The following FNDC3A variants were observed in gnomAD, a reference collection of about 807,000 sequenced individuals.
FNDC3A encodes fibronectin type III domain containing 3A, also known as fibronectin type-III domain-containing protein 3A.
A neutral mutation model predicts 148.9 loss-of-function variants in FNDC3A; 32 were observed. The ratio of observed to expected loss-of-function variants is 0.21; its 90% CI spans 0.16 to 0.29. FNDC3A has a LOEUF of 0.29. FNDC3A is among the 10% of genes least tolerant of loss of function. The pLI, the probability that FNDC3A is intolerant of heterozygous loss-of-function variation, is 1.00. For synonymous variants in FNDC3A, 472 were observed against 473.6 expected, an observed-to-expected ratio of 1.00 and a Z score of 0.04; for missense variants, 1,191 against 1,452.8, an observed-to-expected ratio of 0.82 and a Z score of 2.93.
intron 8 of FNDC3A, among the ~76,000 whole-genome samples, chr13:49,160,882 G>A (rs1053476979): frequency 2.0e-5 from 3 of 152,036 alleles, no homozygotes; most frequent in African/African-American, 7.3e-5. Flanking sequence ...TATGTACCCA[G>A]TAGTCATTCA....
intron 1 of FNDC3A, among the ~76,000 whole-genome samples, chr13:48,993,745 G>A (rs1365927971): frequency 6.6e-6 from 1 of 152,106 alleles, no homozygotes; most frequent in East Asian, 1.9e-4. Flanking sequence ...TAGAACCTAG[G>A]TGGCAAGTAT....
Position 49,145,876 on chromosome 13 carries a change from T to C in FNDC3A, c.918T>C (p.Tyr306=). ...ATGAAAGTAGTGTACCAGAGCTCTATGGTTATGAAGTTCTGATCTCAAGTA... is the reference window on the plus strand; with the variant it reads ...ATGAAAGTAGTGTACCAGAGCTCTACGGTTATGAAGTTCTGATCTCAAGTA... The part of the protein sequence containing the change: ...ETDESSVPEL[Y]GYEVLISSTG... Residue 306 remains tyrosine (Y), a synonymous_variant, in exon 8 of 26, where the codon TAT becomes TAC. Transcript: ENST00000492622. 5 of 1,613,198 alleles carry C rather than the reference T, an allele frequency of 3.1e-6. No homozygotes were observed. Among genetic ancestry groups the C allele is most frequent in the Non-Finnish European group, 4.2e-6 (5 of 1,179,216 alleles).
In FNDC3A at chr13:49,164,030, G is replaced by T. The variant is rs557486155; in HGVS notation, c.978-3214G>T. 2.6e-5 allele frequency among the ~76,000 whole-genome samples: 4 copies of T among 152,186 alleles called. No homozygotes were observed. The East Asian group carries it at 7.7e-4, about 29-fold the overall frequency. On this transcript the variant is annotated intron_variant, in intron 8 of 25. Transcript: ENST00000492622. ...AGCAGATATTGTCCCTTTGTTCCAG[G>T]TGTAAGACTCCCTCAAGCATTTCTT...
chr13:49,069,357 A>C (rs1877489714), intron 2 of FNDC3A, among the ~76,000 whole-genome samples: 1 of 152,170 alleles, frequency 6.6e-6, no homozygotes, highest in Non-Finnish European at 1.5e-5. Context: ...AAAATGGCTC[A>C]CTAGACCCTT....
At chr13:49,050,772 T>G (rs1875778491) in intron 2 of FNDC3A, among the ~76,000 whole-genome samples, 1 of 152,194 alleles carries the variant, frequency 6.6e-6, no homozygotes, top group Non-Finnish European at 1.5e-5. Context: ...TGTGTTGCCG[T>G]CTATCTCATT....
chr13:49,124,999 GT>G (rs982230202), intron 4 of FNDC3A, among the ~76,000 whole-genome samples: 6 of 152,072 alleles, frequency 3.9e-5, no homozygotes, highest in African/African-American at 1.4e-4. Context: ...TCCCTTAACT[GT>G]TTTTTTATAG....
chr13:49,146,013 C>G, intron 8 of FNDC3A, 78 bp downstream of exon 8: 1 of 1,073,000 alleles, frequency 9.3e-7, no homozygotes, highest in Non-Finnish European at 1.3e-6. Flanking sequence ...TAATTTTGCT[C>G]TACTTTTCCT....
intron 2 of FNDC3A, among the ~76,000 whole-genome samples, chr13:49,022,359 A>G (rs540912259): frequency 1.3e-5 from 2 of 152,304 alleles, no homozygotes; most frequent in Admixed American, 6.5e-5. Flanking sequence ...CTTTTACATA[A>G]TGTTACTTTG....
At chr13:49,113,490 T>C (rs1880720753) in intron 3 of FNDC3A, among the ~76,000 whole-genome samples, 1 of 152,110 alleles carries the variant, frequency 6.6e-6, no homozygotes, top group Non-Finnish European at 1.5e-5. Flanking sequence ...GTGACCTCCA[T>C]GTCCTTTATT....
intron 3 of FNDC3A, among the ~76,000 whole-genome samples, chr13:49,097,286 C>T (rs1879586922): frequency 2.0e-5 from 3 of 151,078 alleles, no homozygotes; most frequent in South Asian, 4.2e-4. Flanking sequence ...TTTATATTTT[C>T]CAAATATTTC....
rs2138072204 is a variant in FNDC3A at position 49,178,568 on chromosome 13, G to C, written c.1531G>C (p.Gly511Arg). Reference protein sequence around the residue: ...YILEMEEETSGYGFKPKYDGE... With the variant: ...YILEMEEETSRYGFKPKYDGE... ...AAGACTTTGTTTTTTCCTTTTCCAG[G>C]GATATGGTTTTAAGCCTAAATATGA... Residue 511 changes from glycine to arginine, a missense_variant and splice_region_variant, in exon 14 of 26, where the codon GGA (glycine) becomes CGA (arginine). By Grantham distance (125) the Gly-to-Arg change is moderately radical (BLOSUM62 -2). Transcript: ENST00000492622. 1 of 1,582,678 alleles carries C rather than the reference G, an allele frequency of 6.3e-7. No individual in the cohort carries two copies. Among genetic ancestry groups the C allele is most frequent in the East Asian group, 2.3e-5 (1 of 44,030 alleles).
At position 49,143,982 on chromosome 13, in the gene FNDC3A, T is replaced by C. The variant is rs542888723; in HGVS notation, c.820-1796T>C. On this transcript the variant is annotated intron_variant, in intron 7 of 25. Coordinates refer to ENST00000492622, the MANE Select transcript of FNDC3A (RefSeq NM_001079673.2). ...CAACATAGCAAGACCCCATCTTTAC[T>C]ACTACTACTACTACTACTACTACTA... Among the ~76,000 whole-genome samples, 211 of 145,770 alleles carry C rather than the reference T, an allele frequency of 1.4e-3. 1 individual carries two copies. The highest frequency in any genetic ancestry group is 2.4e-3 in the Non-Finnish European group (159 of 66,378).
intron 2 of FNDC3A, among the ~76,000 whole-genome samples, chr13:49,009,559 T>C (rs144574546): frequency 6.4e-4 from 98 of 152,360 alleles, no homozygotes; most frequent in African/African-American, 2.0e-3. Context: ...AAGGTGGCTG[T>C]ACCATTGTAC....
chr13:49,042,965 G>A (rs923656925), intron 2 of FNDC3A, among the ~76,000 whole-genome samples: 38 of 151,640 alleles, frequency 2.5e-4, no homozygotes, highest in African/African-American at 8.0e-4. Context: ...TTCTGTTTTT[G>A]TTTTTTGAGA....
chr13:49,071,061 C>CTTTTTTTT (rs35935869), intron 2 of FNDC3A, among the ~76,000 whole-genome samples: 2 of 84,726 alleles, frequency 2.4e-5, no homozygotes, highest in African/African-American at 5.0e-5. Context: ...CCCATGCCGG[C>CTTTTTTTT]TTTTTTTTTT....
At chr13:49,045,635 G>GCT in intron 2 of FNDC3A, 1 of 728,150 alleles carries the variant, frequency 1.4e-6, no homozygotes, top group Non-Finnish European at 2.2e-6. Context: ...TGTTAAGGAT[G>GCT]CTCTTCTACA....
At chr13:49,012,785 G>A (rs1335685562) in intron 2 of FNDC3A, among the ~76,000 whole-genome samples, 2 of 131,254 alleles carry the variant, frequency 1.5e-5, no homozygotes, top group African/African-American at 5.6e-5. Flanking sequence ...GGGCACTTGG[G>A]TTTTTATATG....
At chr13:49,146,059 A>G (rs1882977015) in intron 8 of FNDC3A, 124 bp downstream of exon 8, 3 of 657,072 alleles carry the variant, frequency 4.6e-6, no homozygotes, top group Non-Finnish European at 7.6e-6. Flanking sequence ...TAAGTTGGCT[A>G]ATGATAGTGA....
intron 10 of FNDC3A, among the ~76,000 whole-genome samples, chr13:49,170,663 C>G (rs1369864870): frequency 6.6e-6 from 1 of 152,094 alleles, no homozygotes; most frequent in Non-Finnish European, 1.5e-5. Flanking sequence ...ACTTTGTGAT[C>G]TGGGATGATT....
Sources: allele counts gnomAD v4.1 joint callset (sites outside exome capture counted in the v4.1 genomes callset), GRCh38; gene constraint gnomAD v4.1.1; transcripts MANE v1.5; gene names NCBI Gene and HGNC (gene_info 2026-07-23, HGNC 2026-07-21).